The following PCDHGB7 variants were observed in gnomAD, a reference collection of about 807,000 sequenced individuals.
PCDHGB7 encodes protocadherin gamma-B7.
A neutral mutation model predicts 61.4 loss-of-function variants in PCDHGB7; 37 were observed. That is an observed-to-expected ratio of 0.60 (90% CI 0.46 to 0.79). The LOEUF (loss-of-function observed/expected upper bound fraction) is 0.79. Among genes scored for constraint, PCDHGB7 ranks in the 30% least tolerant of loss-of-function variants. PCDHGB7 has a pLI of 0.00. For synonymous variants in PCDHGB7, 464 were observed against 503.5 expected, an observed-to-expected ratio of 0.92 and a Z score of 1.05; for missense variants, 1,166 against 1,202.5, an observed-to-expected ratio of 0.97 and a Z score of 0.45.
chr5:141,469,595 CAAAAT>C (rs919167679), intron 1 of PCDHGB7, among the ~76,000 whole-genome samples: 3 of 151,998 alleles, frequency 2.0e-5, no homozygotes, highest in Admixed American at 6.6e-5. Context: ...ATAAATAAAA[CAAAAT>C]AAGTAAAATA....
chr5:141,454,097 C>T (rs1021353610), intron 1 of PCDHGB7, among the ~76,000 whole-genome samples: 10 of 152,292 alleles, frequency 6.6e-5, no homozygotes, highest in Middle Eastern at 3.4e-3. Flanking sequence ...TTGAATTGAA[C>T]ATAAATGGAG....
chr5:141,454,088 T>C (rs2154564493), intron 1 of PCDHGB7, among the ~76,000 whole-genome samples: 1 of 152,342 alleles, frequency 6.6e-6, no homozygotes. Context: ...CAGTGAAATT[T>C]GAATTGAACA....
chr5:141,482,383 G>A (rs1594230401), intron 1 of PCDHGB7, among the ~76,000 whole-genome samples: 2 of 152,240 alleles, frequency 1.3e-5, no homozygotes, highest in East Asian at 3.9e-4. Context: ...TAAAGTCCCT[G>A]TATGGAGCAA....
At chr5:141,470,469 A>T (rs1423801455) in intron 1 of PCDHGB7, among the ~76,000 whole-genome samples, 1 of 152,194 alleles carries the variant, frequency 6.6e-6, no homozygotes, top group Non-Finnish European at 1.5e-5. Context: ...ATTTTCTGAT[A>T]TTACTAACCC....
chr5:141,430,885 C>G, intron 1 of PCDHGB7: 1 of 1,605,218 alleles, frequency 6.2e-7, no homozygotes, highest in Non-Finnish European at 8.5e-7. Context: ...TGGAGAAAGG[C>G]TCTAGGGTGG....
chr5:141,506,834 C>T (rs2099856597), intron 3 of PCDHGB7, among the ~76,000 whole-genome samples: 1 of 152,140 alleles, frequency 6.6e-6, no homozygotes, highest in Non-Finnish European at 1.5e-5. Flanking sequence ...ACTGATAGCC[C>T]TGCCCTCCAG....
chr5:141,474,403 C>G (rs553745731), intron 1 of PCDHGB7, among the ~76,000 whole-genome samples: 6 of 152,166 alleles, frequency 3.9e-5, no homozygotes, highest in Non-Finnish European at 5.9e-5. Context: ...ACAAGCTCCC[C>G]GGTGATGCCT....
chr5:141,480,137 A>G (rs1183663599), intron 1 of PCDHGB7, among the ~76,000 whole-genome samples: 2 of 152,096 alleles, frequency 1.3e-5, no homozygotes, highest in Non-Finnish European at 2.9e-5. Context: ...CTGTTAAACA[A>G]TTATTAGCCA....
At position 141,493,396 on chromosome 5, in the gene PCDHGB7, G is replaced by A. The variant is rs562217310; in HGVS notation, c.2416-1411G>A. 1.3e-5 allele frequency among the ~76,000 whole-genome samples: 2 copies of A among 152,274 alleles called. No homozygotes were observed. Among genetic ancestry groups the A allele is most frequent in the East Asian group, 3.9e-4 (2 of 5,178 alleles). The stretch of plus-strand genomic sequence containing the variant: ...TTTAAAAGCTTGAGGACAGGAGAGG[G>A]GAGTTGCCTCTGCTGGGATTTTGCT... On this transcript the variant is annotated intron_variant, in intron 1 of 3. Transcript: ENST00000398594. This position sits in a 1 kb window ranked among gnomAD's most constrained non-coding sequence, Gnocchi z 4.3.
chr5:141,500,883 T>G (rs1250275850), intron 2 of PCDHGB7, among the ~76,000 whole-genome samples: 2 of 97,532 alleles, frequency 2.1e-5, no homozygotes, highest in African/African-American at 1.2e-4. Context: ...TACAATTTTT[T>G]TTTTTTGAGA....
chr5:141,453,752 T>C (rs1404363977), intron 1 of PCDHGB7, among the ~76,000 whole-genome samples: 10 of 152,364 alleles, frequency 6.6e-5, no homozygotes, highest in Admixed American at 5.9e-4. Flanking sequence ...AACATAAGTC[T>C]CCTAAAAATA....
At chr5:141,450,676 G>A (rs1174388119) in intron 1 of PCDHGB7, among the ~76,000 whole-genome samples, 5 of 151,796 alleles carry the variant, frequency 3.3e-5, no homozygotes, top group African/African-American at 7.3e-5. Flanking sequence ...TAGTAGAAAC[G>A]GGGTTTTGCC....
chr5:141,476,868 C>T lies in PCDHGB7; in HGVS notation c.2416-17939C>T, dbSNP rs1213404395. On this transcript the variant is annotated intron_variant, in intron 1 of 3. Coordinates refer to ENST00000398594, the MANE Select transcript of PCDHGB7 (RefSeq NM_018927.4). This position sits in a 1 kb window ranked among gnomAD's most constrained non-coding sequence, Gnocchi z 7.6. ...GTCTTCAACCAGTCCTTGTACCGGG[C>T]GCGCGTCCTGGAGGATGCACCCTCC... 3 of 1,613,874 alleles carry T rather than the reference C, an allele frequency of 1.9e-6. No individual in the cohort carries two copies. Among genetic ancestry groups the T allele is most frequent in the Admixed American group, 3.3e-5 (2 of 60,026 alleles).
intron 1 of PCDHGB7, among the ~76,000 whole-genome samples, chr5:141,435,885 C>T (rs2097784639): frequency 6.6e-6 from 1 of 152,088 alleles, no homozygotes; most frequent in Non-Finnish European, 1.5e-5. Context: ...TTGGAAACCC[C>T]TTAGAGAATG....
Position 141,491,895 on chromosome 5 carries a change from A to G in PCDHGB7, c.2416-2912A>G. On this transcript the variant is annotated intron_variant, in intron 1 of 3. Transcript: ENST00000398594. This position sits in a 1 kb window ranked among gnomAD's most constrained non-coding sequence, Gnocchi z 6.9. Reference sequence around the variant, plus strand: ...CCGATTAAGGGATGGGGCTCCGAGCACCGGGGGTGGTGGCGACTGTGGGCG... The same window carrying G: ...CCGATTAAGGGATGGGGCTCCGAGCGCCGGGGGTGGTGGCGACTGTGGGCG... 7.0e-7 allele frequency: 1 copy of G among 1,434,306 alleles called. No homozygotes were observed. The highest frequency in any genetic ancestry group is 9.2e-7 in the Non-Finnish European group (1 of 1,084,904). 88.8% of individuals were successfully genotyped at this position (1,434,306 alleles called of 1,614,324 possible). A position where few individuals can be genotyped will look rare whatever the true frequency, so the allele number is the denominator to read the frequency against.
chr5:141,421,541 T>A (rs1235004908), intron 1 of PCDHGB7: 9 of 1,613,912 alleles, frequency 5.6e-6, no homozygotes, highest in African/African-American at 1.3e-5. Flanking sequence ...TCCTGTTTTT[T>A]AAATATGGAA....
intron 1 of PCDHGB7, chr5:141,421,518 TGA>T: frequency 6.2e-7 from 1 of 1,614,058 alleles, no homozygotes; most frequent in Non-Finnish European, 8.5e-7. Flanking sequence ...AGGAGCTCTG[TGA>T]GACGGTGTCC....
At chr5:141,428,230 C>A in intron 1 of PCDHGB7, 1 of 1,073,982 alleles carries the variant, frequency 9.3e-7, no homozygotes, top group Non-Finnish European at 1.4e-6. Flanking sequence ...CGCAGACAGC[C>A]TGCAGGAGGC....
At chr5:141,501,557 G>A (rs192507373) in intron 2 of PCDHGB7, among the ~76,000 whole-genome samples, 1 of 152,124 alleles carries the variant, frequency 6.6e-6, no homozygotes, top group Non-Finnish European at 1.5e-5. Context: ...CATAGGCCCT[G>A]GAATCATATT....
Sources: allele counts gnomAD v4.1 joint callset (sites outside exome capture counted in the v4.1 genomes callset), GRCh38; gene constraint gnomAD v4.1.1; non-coding constraint Gnocchi (gnomAD v3.1); transcripts MANE v1.5; gene names NCBI Gene and HGNC (gene_info 2026-07-23, HGNC 2026-07-21).